CXorf58: variants seen among roughly 807,000 people sequenced by gnomAD.
CXorf58 encodes chromosome X open reading frame 58, also known as uncharacterized protein CXorf58.
In CXorf58, 24 loss-of-function variants were observed where a neutral mutation model predicts 26.0. The observed-to-expected ratio is 0.92, with a 90% confidence interval of 0.67 to 1.30. The LOEUF (loss-of-function observed/expected upper bound fraction) is 1.30. CXorf58 is among the 50% of genes most tolerant of loss of function. CXorf58 has a pLI of 0.00. For synonymous variants in CXorf58, 87 were observed against 86.1 expected, an observed-to-expected ratio of 1.01 and a Z score of -0.06; for missense variants, 236 against 263.9, an observed-to-expected ratio of 0.89 and a Z score of 0.73.
chrX:23,917,714 G>A (rs1243425720), intron 5 of CXorf58, among the ~76,000 whole-genome samples: 1 of 112,573 alleles, frequency 8.9e-6, no homozygotes, highest in East Asian at 2.8e-4. Context: ...CACCACACCT[G>A]GCACTCTCAT....
chrX:23,930,226 A>C (rs1243689718), intron 6 of CXorf58, among the ~76,000 whole-genome samples: 66 of 107,670 alleles, frequency 6.1e-4, no homozygotes, highest in African/African-American at 2.1e-3. Flanking sequence ...AAGAAAAAAG[A>C]AATATGTTTC....
At chrX:23,923,653 A>AC (rs1179913217) in intron 5 of CXorf58, among the ~76,000 whole-genome samples, 5 of 108,246 alleles carry the variant, frequency 4.6e-5, no homozygotes, top group African/African-American at 1.3e-4. Flanking sequence ...AAAAAAAAAA[A>AC]AACCCTAAAT....
intron 5 of CXorf58, among the ~76,000 whole-genome samples, chrX:23,921,304 C>G (rs1406500671): frequency 8.9e-6 from 1 of 111,890 alleles, no homozygotes; most frequent in African/African-American, 3.2e-5. Flanking sequence ...GCCTCCGTGC[C>G]TTTATCTTCT....
chrX:23,930,216 A>AT (rs1390091773), intron 6 of CXorf58, among the ~76,000 whole-genome samples: 1 of 107,234 alleles, frequency 9.3e-6, no homozygotes, highest in Non-Finnish European at 1.9e-5. Context: ...AAAAAAAAAA[A>AT]AGAAAAAAGA....
chrX:23,915,708 T>C lies in CXorf58; in HGVS notation c.225T>C (p.Tyr75=). 8.6e-7 allele frequency: 1 copy of C among 1,167,596 alleles called. No individual in the cohort carries two copies. ...ACTGTCCTTTATTTCAGGAATTCTA[T>C]GTAACACATGAAATACTGAAGAAAG... The part of the protein sequence containing the change: ...LKHAICAAEF[Y]VTHEILKKVA... The change falls in exon 4 of 9, where the codon TAT becomes TAC. Residue 75 remains tyrosine (Y), a synonymous_variant. Transcript: ENST00000379211.
In CXorf58 at chrX:23,938,568, A is replaced by G. The variant is rs765091927; in HGVS notation, c.807A>G (p.Gln269=). 3.4e-6 allele frequency: 4 copies of G among 1,180,522 alleles called. No individual in the cohort carries two copies. Among genetic ancestry groups the G allele is most frequent in the Middle Eastern group, 4.8e-4 (2 of 4,185 alleles). Residue 269 remains glutamine (Q), a synonymous_variant, in exon 8 of 9, where the codon CAA becomes CAG. Transcript: ENST00000379211. ...CTAGGGGTCCATACTTAACTGTCCA[A>G]CCTCTATATCGGCCCTACAAACAGC... ...SEIRGPYLTV[Q]PLYRPYKQQN... is the part of the protein sequence containing the mutation.
intron 1 of CXorf58, among the ~76,000 whole-genome samples, chrX:23,909,245 T>C (rs1333789753): frequency 1.8e-5 from 2 of 111,811 alleles, no homozygotes; most frequent in Admixed American, 1.9e-4. Context: ...TGTGAACTTG[T>C]ATGGGGGAAA....
intron 6 of CXorf58, among the ~76,000 whole-genome samples, chrX:23,933,626 C>T (rs897988392): frequency 1.3e-4 from 14 of 110,856 alleles, no homozygotes; most frequent in South Asian, 7.5e-4. Context: ...TGATGGCTCA[C>T]GCCTGTAATC....
chrX:23,908,702 C>G (rs185296375), intron 1 of CXorf58, among the ~76,000 whole-genome samples: 17 of 111,941 alleles, frequency 1.5e-4, no homozygotes, highest in African/African-American at 4.9e-4. Context: ...TTCTGTATTT[C>G]TGCCCTAATC....
At chrX:23,936,388 C>T (rs868555896) in intron 7 of CXorf58, among the ~76,000 whole-genome samples, 8 of 111,788 alleles carry the variant, frequency 7.2e-5, no homozygotes, top group African/African-American at 2.6e-4. Flanking sequence ...ATTAGAGTGA[C>T]GTCATTCCCC....
At chrX:23,908,582 A>G (rs1446577556) in intron 1 of CXorf58, among the ~76,000 whole-genome samples, 2 of 112,266 alleles carry the variant, frequency 1.8e-5, no homozygotes, top group Admixed American at 9.4e-5. Context: ...ACAAGACCAC[A>G]TAGGAAGTGG....
chrX:23,915,872 C>A (rs1349930984), intron 4 of CXorf58, 78 bp downstream of exon 4: 3 of 550,049 alleles, frequency 5.5e-6, no homozygotes, highest in African/African-American at 2.4e-5. Context: ...TTTTTAAATT[C>A]TTGTAACTTC....
intron 5 of CXorf58, among the ~76,000 whole-genome samples, chrX:23,917,062 C>T (rs780768833): frequency 3.6e-4 from 39 of 109,264 alleles, no homozygotes; most frequent in Non-Finnish European, 6.5e-4. Context: ...CAGCCAGGCA[C>T]GGTGGCTCAT....
At chrX:23,933,014 G>A (rs1229993077) in intron 6 of CXorf58, among the ~76,000 whole-genome samples, 1 of 111,069 alleles carries the variant, frequency 9.0e-6, no homozygotes, top group Non-Finnish European at 1.9e-5. Flanking sequence ...AGTTTGAAAA[G>A]GCCGGGTGCA....
At chrX:23,934,664 C>T (rs1928247264) in intron 6 of CXorf58, among the ~76,000 whole-genome samples, 1 of 111,147 alleles carries the variant, frequency 9.0e-6, no homozygotes, top group Admixed American at 9.6e-5. Context: ...TGTTGGTGTG[C>T]TGCACCCATT....
intron 5 of CXorf58, among the ~76,000 whole-genome samples, chrX:23,920,462 A>C (rs1927834872): frequency 8.9e-6 from 1 of 112,086 alleles, no homozygotes; most frequent in Non-Finnish European, 1.9e-5. Flanking sequence ...AGGAGAGAAG[A>C]CCACACAGCC....
Position 23,935,375 on chromosome X carries a change from A to G in CXorf58, c.735A>G (p.Pro245=), listed in dbSNP as rs753800410. ...RNEMKFLLQR[P]VTQEIHKHQL... ...AAATGAAGTTTCTGTTACAGAGACCAGTAACGCAAGAGATCCATAAGCACC... is the reference window on the plus strand; with the variant it reads ...AAATGAAGTTTCTGTTACAGAGACCGGTAACGCAAGAGATCCATAAGCACC... The change falls in exon 7 of 9, where the codon CCA becomes CCG. Residue 245 remains proline, a synonymous_variant. Transcript: ENST00000379211. 8.3e-7 allele frequency: 1 copy of G among 1,210,027 alleles called. No individual in the cohort carries two copies. The highest frequency in any genetic ancestry group is 1.1e-6 in the Non-Finnish European group (1 of 893,755).
At chrX:23,915,170 A>C (rs930551203) in intron 3 of CXorf58, among the ~76,000 whole-genome samples, 2 of 112,443 alleles carry the variant, frequency 1.8e-5, no homozygotes, top group Non-Finnish European at 3.8e-5. Flanking sequence ...TTGCTGATGT[A>C]AGGATTAAAT....
At chrX:23,917,791 CTTG>C (rs780950129) in intron 5 of CXorf58, among the ~76,000 whole-genome samples, 1 of 112,500 alleles carries the variant, frequency 8.9e-6, no homozygotes, top group East Asian at 2.8e-4. Context: ...ACCTGGGAAT[CTTG>C]TTAAAATGCT....
Sources: gnomAD v4.1 joint callset for allele counts (sites outside exome capture counted in the v4.1 genomes callset) on GRCh38, gnomAD v4.1.1 for gene constraint, MANE v1.5 for transcripts, NCBI Gene and HGNC (gene_info 2026-07-23, HGNC 2026-07-21) for gene names.